Variants in TTLL5 observed in about 807,000 individuals in gnomAD.
The protein encoded by TTLL5 is tubulin polyglutamylase TTLL5.
Under a neutral mutation model 168.4 loss-of-function variants are expected in TTLL5, and 132 were observed. The observed-to-expected ratio is 0.78, with a 90% CI of 0.68 to 0.91. The LOEUF is 0.91. Ranked by LOEUF, TTLL5 falls within the 40% of genes least tolerant of loss-of-function variation. The pLI, the probability that TTLL5 is intolerant of heterozygous loss-of-function variation, is 0.00. For missense variants in TTLL5, 1,545 were observed against 1,581.5 expected (o/e 0.98, Z 0.39); for synonymous variants, 546 against 558.6 (o/e 0.98, Z 0.32).
chr14:75,731,707 C>T (rs1466445969), intron 12 of TTLL5, among the ~76,000 whole-genome samples: 1 of 152,106 alleles, frequency 6.6e-6, no homozygotes, highest in Non-Finnish European at 1.5e-5. Context: ...ATTTCTCTTT[C>T]CTTGTCTGTC....
intron 22 of TTLL5, 130 bp downstream of exon 22, chr14:75,775,760 A>G (rs772222513): frequency 6.0e-6 from 7 of 1,170,948 alleles, no homozygotes; most frequent in African/African-American, 1.5e-5. Context: ...TCCCTTATGT[A>G]TTACTGTTAG....
intron 31 of TTLL5, among the ~76,000 whole-genome samples, chr14:75,936,436 G>A (rs540139041): frequency 2.6e-5 from 4 of 152,104 alleles, no homozygotes; most frequent in South Asian, 4.1e-4. Flanking sequence ...TCTGCTTCAC[G>A]TCTTTCCATC....
intron 26 of TTLL5, 117 bp from the exon 27 acceptor site, chr14:75,792,799 A>T (rs879802941): frequency 2.1e-5 from 17 of 828,018 alleles, no homozygotes; most frequent in Non-Finnish European, 2.1e-5. Context: ...CTCCTATATT[A>T]TTAAAGATCC....
At chr14:75,793,166 T>C in intron 27 of TTLL5, 66 bp downstream of exon 27, 1 of 1,405,180 alleles carries the variant, frequency 7.1e-7, no homozygotes, top group Non-Finnish European at 9.5e-7. Flanking sequence ...ACAGGGTACT[T>C]TGTCTTTCCC....
At chr14:75,706,346 G>T (rs998028936) in intron 7 of TTLL5, among the ~76,000 whole-genome samples, 1 of 152,196 alleles carries the variant, frequency 6.6e-6, no homozygotes. Flanking sequence ...TCTTAAATCT[G>T]CCAGGCAGAG....
Position 75,931,096 on chromosome 14 carries a change from T to C in TTLL5, c.3824-23328T>C, listed in dbSNP as rs982528850. Reference sequence around the variant, plus strand: ...CCAAACCTGTTCCTCCAGCCAAGACTGTCACATATGGCTTCAAAGATTTGT... The same window carrying C: ...CCAAACCTGTTCCTCCAGCCAAGACCGTCACATATGGCTTCAAAGATTTGT... On this transcript the variant is annotated intron_variant, in intron 31 of 31. Coordinates refer to ENST00000298832, the MANE Select transcript of TTLL5 (RefSeq NM_015072.5). Among the ~76,000 whole-genome samples the C allele has an allele frequency of 3.9e-5, 6 of 152,226 alleles. No homozygotes were observed. In the South Asian group the frequency reaches 1.2e-3, roughly 32 times the overall value.
chr14:75,763,253 CTCTGTGTGTG>C (rs1339994707), intron 18 of TTLL5, among the ~76,000 whole-genome samples: 5 of 145,398 alleles, frequency 3.4e-5, no homozygotes, highest in East Asian at 4.0e-4. Context: ...ATAGCTCTCT[CTCTGTGTGTG>C]TGTGTGTGTG....
chr14:75,712,866 T>C (rs977012204), intron 9 of TTLL5, among the ~76,000 whole-genome samples: 12 of 152,152 alleles, frequency 7.9e-5, no homozygotes, highest in Middle Eastern at 3.2e-3. Context: ...ATAAAGATAT[T>C]GTCCAAAACA....
At position 75,784,527 on chromosome 14, in the gene TTLL5, A is replaced by G. The variant is rs1892255853; in HGVS notation, c.2986+997A>G. Among the ~76,000 whole-genome samples the G allele has an allele frequency of 2.6e-5, 4 of 152,350 alleles. 1 individual carries two copies. The South Asian group carries it at 8.3e-4, about 32-fold the overall frequency. On this transcript the variant is annotated intron_variant, in intron 26 of 31. Coordinates refer to ENST00000298832, the MANE Select transcript of TTLL5 (RefSeq NM_015072.5). ...GATTTGTTTATACCTTTTGGCCATT[A>G]TGAATAATGCTGCTATGAACATTTG...
At chr14:75,828,488 T>C (rs1031677384) in intron 28 of TTLL5, among the ~76,000 whole-genome samples, 1 of 152,212 alleles carries the variant, frequency 6.6e-6, no homozygotes. Context: ...CCATAATACA[T>C]ATATCATATA....
intron 6 of TTLL5, among the ~76,000 whole-genome samples, chr14:75,697,557 G>T (rs1303081986): frequency 6.6e-6 from 1 of 152,158 alleles, no homozygotes; most frequent in Non-Finnish European, 1.5e-5. Context: ...AAGTTTGTGT[G>T]GGAGGCTTTG....
intron 15 of TTLL5, chr14:75,737,748 T>A: frequency 1.2e-6 from 1 of 834,220 alleles, no homozygotes; most frequent in African/African-American, 1.7e-5. Flanking sequence ...TGAATGAAAA[T>A]GAATGCATAG....
At chr14:75,700,511 C>T (rs1383917824) in intron 7 of TTLL5, among the ~76,000 whole-genome samples, 1 of 152,162 alleles carries the variant, frequency 6.6e-6, no homozygotes, top group Non-Finnish European at 1.5e-5. Flanking sequence ...AGGCCCCTCT[C>T]AAGTGCTGGC....
intron 9 of TTLL5, among the ~76,000 whole-genome samples, chr14:75,707,949 G>A (rs990258700): frequency 2.6e-5 from 4 of 152,172 alleles, no homozygotes; most frequent in Admixed American, 2.6e-4. Flanking sequence ...CACACATAAG[G>A]TGTGTAAACA....
chr14:75,820,163 T>C lies in TTLL5; in HGVS notation c.3326+2T>C. 2 of 1,582,378 alleles carry C rather than the reference T, an allele frequency of 1.3e-6. No individual in the cohort carries two copies. Among genetic ancestry groups the C allele is most frequent in the Non-Finnish European group, 1.7e-6 (2 of 1,166,692 alleles). Reference sequence around the variant, plus strand: ...TCACTCCAGCTCTCCTGGAAGCAGGTATGTGAAGGGCCCTGCAACTAGCAT... The same window carrying C: ...TCACTCCAGCTCTCCTGGAAGCAGGCATGTGAAGGGCCCTGCAACTAGCAT... On this transcript the variant is annotated splice_donor_variant, in intron 28 of 31. Transcript: ENST00000298832. LOFTEE classifies it high-confidence loss of function.
At chr14:75,683,773 G>A in intron 5 of TTLL5, 117 bp downstream of exon 5, 1 of 745,836 alleles carries the variant, frequency 1.3e-6, no homozygotes, top group Admixed American at 3.1e-5. Context: ...AGAAGAAGAA[G>A]GACTTTTTTT....
intron 26 of TTLL5, among the ~76,000 whole-genome samples, chr14:75,792,304 A>G (rs1892771937): frequency 6.6e-6 from 1 of 151,854 alleles, no homozygotes; most frequent in Admixed American, 6.6e-5. Context: ...GCACACCAAC[A>G]TGGCACATGT....
At chr14:75,900,742 A>C (rs1438151250) in intron 30 of TTLL5, among the ~76,000 whole-genome samples, 4 of 152,122 alleles carry the variant, frequency 2.6e-5, no homozygotes, top group Admixed American at 2.6e-4. Flanking sequence ...CTCCTGGCTA[A>C]TGCCTACCTC....
At chr14:75,737,374 A>G (rs1013183373) in intron 15 of TTLL5, among the ~76,000 whole-genome samples, 6 of 152,190 alleles carry the variant, frequency 3.9e-5, no homozygotes, top group African/African-American at 1.2e-4. Flanking sequence ...GCTGGAATAT[A>G]TATGGCATAG....
Sources: gnomAD v4.1 joint callset for allele counts (sites outside exome capture counted in the v4.1 genomes callset) on GRCh38, gnomAD v4.1.1 for gene constraint, MANE v1.5 for transcripts, NCBI Gene and HGNC (gene_info 2026-07-23, HGNC 2026-07-21) for gene names.